ELMO1: variants seen among roughly 807,000 people sequenced by gnomAD.
The protein encoded by ELMO1 is engulfment and cell motility 1, also known as engulfment and cell motility protein 1.
In ELMO1, 26 loss-of-function variants were observed where a neutral mutation model predicts 98.9. That is an observed-to-expected ratio of 0.26 (90% CI 0.19 to 0.36). The LOEUF (loss-of-function observed/expected upper bound fraction) is 0.36. Among genes scored for constraint, ELMO1 ranks in the 10% least tolerant of loss-of-function variants. The pLI, the probability that ELMO1 is intolerant of heterozygous loss-of-function variation, is 1.00. For missense variants in ELMO1, 627 were observed against 935.2 expected, an observed-to-expected ratio of 0.67 and a Z score of 4.30; for synonymous variants, 346 against 346.0, an observed-to-expected ratio of 1.00 and a Z score of 0.00.
intron 15 of ELMO1, among the ~76,000 whole-genome samples, chr7:37,080,802 C>T (rs989201245): frequency 6.6e-6 from 1 of 151,768 alleles, no homozygotes; most frequent in East Asian, 1.9e-4. Flanking sequence ...CTGCTTCAGC[C>T]CCACTGGCCT....
At chr7:37,116,034 T>C (rs1468843279) in intron 14 of ELMO1, among the ~76,000 whole-genome samples, 2 of 152,144 alleles carry the variant, frequency 1.3e-5, no homozygotes, top group East Asian at 1.9e-4. Flanking sequence ...TCTGTAAACC[T>C]AAAACTGTTC....
At chr7:37,142,021 C>T (rs1787676379) in intron 13 of ELMO1, among the ~76,000 whole-genome samples, 1 of 152,288 alleles carries the variant, frequency 6.6e-6, no homozygotes, top group East Asian at 1.9e-4. Context: ...TTTATTTTAG[C>T]ATTTTATCCT....
intron 11 of ELMO1, among the ~76,000 whole-genome samples, chr7:37,215,793 C>T (rs1484553783): frequency 6.6e-6 from 1 of 152,226 alleles, no homozygotes; most frequent in East Asian, 1.9e-4. Context: ...CCCAGTGGCA[C>T]GGCATGCCCC....
At chr7:37,360,595 C>A (rs894730942) in intron 1 of ELMO1, among the ~76,000 whole-genome samples, 16 of 151,962 alleles carry the variant, frequency 1.1e-4, no homozygotes, top group African/African-American at 3.9e-4. Context: ...CTCGGTATAC[C>A]CAGGAAGAGC....
intron 20 of ELMO1, among the ~76,000 whole-genome samples, chr7:36,869,664 C>T (rs1043216157): frequency 9.8e-5 from 15 of 152,310 alleles, no homozygotes; most frequent in Admixed American, 5.9e-4. Context: ...GGCTCCCTGA[C>T]GGCCTCTCCA....
At chr7:37,256,624 G>A (rs1795669144) in intron 6 of ELMO1, among the ~76,000 whole-genome samples, 1 of 120,530 alleles carries the variant, frequency 8.3e-6, no homozygotes, top group African/African-American at 3.1e-5. Flanking sequence ...GGGGAGGGCA[G>A]AGGGGAAGGG....
chr7:37,184,258 C>A (rs1399523034), intron 13 of ELMO1, among the ~76,000 whole-genome samples: 1 of 152,206 alleles, frequency 6.6e-6, no homozygotes, highest in African/African-American at 2.4e-5. Context: ...GTTCTCTTGT[C>A]TGTGCACAAA....
intron 1 of ELMO1, among the ~76,000 whole-genome samples, chr7:37,433,235 C>T (rs1382297562): frequency 1.3e-5 from 2 of 152,236 alleles, no homozygotes; most frequent in Non-Finnish European, 2.9e-5. Context: ...TGCTCACATA[C>T]ATGGAAAATA....
At chr7:37,247,260 G>A (rs375005550) in intron 6 of ELMO1, among the ~76,000 whole-genome samples, 1 of 152,242 alleles carries the variant, frequency 6.6e-6, no homozygotes, top group South Asian at 2.1e-4. Context: ...TGTTACCTAC[G>A]GTTTTGAAAG....
At chr7:37,055,802 C>T (rs533756267) in intron 15 of ELMO1, among the ~76,000 whole-genome samples, 4 of 152,256 alleles carry the variant, frequency 2.6e-5, no homozygotes, top group South Asian at 2.1e-4. Context: ...CCTCACTGTC[C>T]CTGTCAGCCA....
chr7:37,193,813 AGCACACACAT>A (rs1319731889), intron 13 of ELMO1, among the ~76,000 whole-genome samples: 1 of 152,120 alleles, frequency 6.6e-6, no homozygotes, highest in Admixed American at 6.5e-5. Flanking sequence ...CTGGCAGATG[AGCACACACAT>A]GCACACACAC....
At chr7:37,024,868 C>T (rs1203432099) in intron 15 of ELMO1, among the ~76,000 whole-genome samples, 1 of 152,116 alleles carries the variant, frequency 6.6e-6, no homozygotes, top group African/African-American at 2.4e-5. Flanking sequence ...ATTTACTTAG[C>T]TTCGCGTTAG....
chr7:37,209,403 G>A (rs1271994356), intron 13 of ELMO1, among the ~76,000 whole-genome samples: 1 of 152,152 alleles, frequency 6.6e-6, no homozygotes, highest in South Asian at 2.1e-4. Flanking sequence ...GCATCCCGGA[G>A]GCAGCACATG....
At chr7:37,046,149 TG>T (rs1172082608) in intron 15 of ELMO1, among the ~76,000 whole-genome samples, 4 of 152,260 alleles carry the variant, frequency 2.6e-5, no homozygotes, top group African/African-American at 9.6e-5. Flanking sequence ...AAGAGTCAGT[TG>T]ATCTTTCACT....
At chr7:37,024,567 C>A (rs1794461370) in intron 15 of ELMO1, among the ~76,000 whole-genome samples, 1 of 152,148 alleles carries the variant, frequency 6.6e-6, no homozygotes, top group African/African-American at 2.4e-5. Context: ...GAGTGTCATT[C>A]TAGAGTTAGG....
chr7:37,380,361 C>T (rs535674586), intron 1 of ELMO1, among the ~76,000 whole-genome samples: 2 of 152,296 alleles, frequency 1.3e-5, no homozygotes, highest in South Asian at 4.1e-4. Flanking sequence ...ATCACTGACA[C>T]CCATTTCCCA....
intron 6 of ELMO1, among the ~76,000 whole-genome samples, chr7:37,253,734 A>C (rs1795487591): frequency 6.6e-6 from 1 of 151,824 alleles, no homozygotes; most frequent in Admixed American, 6.6e-5. Flanking sequence ...AAAAAAAAAA[A>C]AACAAAAAGC....
rs528907070 is a variant in ELMO1 at position 36,988,791 on chromosome 7, G to C, written c.1437+24508C>G. Among the ~76,000 whole-genome samples, 22 of 152,304 alleles carry C rather than the reference G, an allele frequency of 1.4e-4. No homozygotes were observed. The South Asian group carries it at 4.4e-3, about 30-fold the overall frequency. ...GAATGGATCACAGTGAGAATGACTG[G>C]GAGGATGGTGTAAGACCAGACCAGC... On this transcript the variant is annotated intron_variant, in intron 16 of 21. Coordinates refer to ENST00000310758, the MANE Select transcript of ELMO1 (RefSeq NM_014800.11).
chr7:36,945,953 A>G (rs1227555381), intron 16 of ELMO1, among the ~76,000 whole-genome samples: 1 of 152,234 alleles, frequency 6.6e-6, no homozygotes, highest in African/African-American at 2.4e-5. Context: ...GAATCCTGGA[A>G]TGAAAGGCAT....
Sources: allele counts gnomAD v4.1 joint callset (sites outside exome capture counted in the v4.1 genomes callset), GRCh38; gene constraint gnomAD v4.1.1; transcripts MANE v1.5; gene names NCBI Gene and HGNC (gene_info 2026-07-23, HGNC 2026-07-21).